The following ZNF618 variants were observed in gnomAD, a reference collection of about 807,000 sequenced individuals.
The protein encoded by ZNF618 is zinc finger protein 618.
A neutral mutation model predicts 103.0 loss-of-function variants in ZNF618; 34 were observed. The observed-to-expected ratio is 0.33, with a 90% CI of 0.25 to 0.44. The LOEUF (loss-of-function observed/expected upper bound fraction) is 0.44, where lower values mean the gene tolerates loss of function less well. Ranked by LOEUF, ZNF618 falls within the 20% of genes least tolerant of loss-of-function variation. The pLI is 1.00. For synonymous variants in ZNF618, 551 were observed against 542.2 expected, an observed-to-expected ratio of 1.02 and a Z score of -0.23; for missense variants, 1,059 against 1,295.4, an observed-to-expected ratio of 0.82 and a Z score of 2.80.
chr9:113,884,747 T>G (rs1328463009), intron 1 of ZNF618, among the ~76,000 whole-genome samples: 1 of 151,084 alleles, frequency 6.6e-6, no homozygotes, highest in Non-Finnish European at 1.5e-5. Context: ...AAGCCAGTTT[T>G]TCCTTCCTTA....
rs71367743 is a variant in ZNF618, at chr9:113,951,607, G to GTA, written c.34-17498_34-17497dup. On this transcript the variant is annotated intron_variant, in intron 1 of 14. Transcript: ENST00000374126. Reference sequence around the variant, plus strand: ...TGTGTGTGTGTGTGTGTATATATATGTATATATATATATGTATATATACTC... The same window carrying GTA: ...TGTGTGTGTGTGTGTGTATATATATGTATATATATATATATGTATATATACTC... Among the ~76,000 whole-genome samples the GTA allele has an allele frequency of 4.5e-3, 605 of 133,034 alleles. 140 individuals carry two copies. Among genetic ancestry groups the GTA allele is most frequent in the Middle Eastern group, 0.034 (8 of 236 alleles). 87.3% of individuals were successfully genotyped at this position (133,034 alleles called of 152,430 possible).
chr9:113,913,085 G>A (rs539917105), intron 1 of ZNF618, among the ~76,000 whole-genome samples: 6 of 152,020 alleles, frequency 3.9e-5, no homozygotes, highest in Admixed American at 6.6e-5. Context: ...CTCTGGAAAC[G>A]GGAGAGTGAG....
chr9:114,040,487 C>G (rs139527628), intron 13 of ZNF618, among the ~76,000 whole-genome samples: 1 of 152,148 alleles, frequency 6.6e-6, no homozygotes, highest in East Asian at 1.9e-4. Flanking sequence ...ATCCTCCCCC[C>G]ACCCCACAAC....
At chr9:113,973,286 C>T (rs753713353) in intron 2 of ZNF618, among the ~76,000 whole-genome samples, 11 of 152,130 alleles carry the variant, frequency 7.2e-5, no homozygotes, top group Non-Finnish European at 8.8e-5. Context: ...TTGAAGGACC[C>T]CCAGCCCTCC....
At chr9:114,027,162 G>T (rs1216890663) in intron 10 of ZNF618, among the ~76,000 whole-genome samples, 1 of 152,216 alleles carries the variant, frequency 6.6e-6, no homozygotes, top group Non-Finnish European at 1.5e-5. Flanking sequence ...GGACTCAGGG[G>T]CCTCTGAGGC....
chr9:114,041,427 G>A (rs551568142), intron 13 of ZNF618, among the ~76,000 whole-genome samples: 6 of 152,192 alleles, frequency 3.9e-5, no homozygotes, highest in Non-Finnish European at 7.3e-5. Flanking sequence ...GAATGGTATT[G>A]CCTAGGTTTC....
intron 1 of ZNF618, among the ~76,000 whole-genome samples, chr9:113,880,304 A>T (rs1467259828): frequency 6.6e-6 from 1 of 152,040 alleles, no homozygotes; most frequent in Non-Finnish European, 1.5e-5. Context: ...CCTAGCCCCC[A>T]CAAGGTCTTG....
intron 6 of ZNF618, among the ~76,000 whole-genome samples, chr9:114,003,183 C>A (rs1346385211): frequency 6.6e-6 from 1 of 152,228 alleles, no homozygotes; most frequent in Non-Finnish European, 1.5e-5. Flanking sequence ...GGTGCCATAT[C>A]CCAGCACCTG....
At chr9:114,002,592 C>A in intron 5 of ZNF618, 32 bp from the exon 6 acceptor site, 2 of 1,596,072 alleles carry the variant, frequency 1.3e-6, no homozygotes, top group East Asian at 2.3e-5. Context: ...CCCGGTAGCC[C>A]CACCCCCATC....
chr9:114,037,858 G>A (rs1844758863), intron 13 of ZNF618, among the ~76,000 whole-genome samples: 1 of 152,142 alleles, frequency 6.6e-6, no homozygotes, highest in Non-Finnish European at 1.5e-5. Context: ...TTAAAATCAG[G>A]ACAGAGCTCT....
intron 13 of ZNF618, among the ~76,000 whole-genome samples, chr9:114,037,713 G>A (rs559064031): frequency 6.6e-6 from 1 of 152,306 alleles, no homozygotes; most frequent in African/African-American, 2.4e-5. Flanking sequence ...TCTCTTTTAG[G>A]CTAAGTACTG....
intron 9 of ZNF618, chr9:114,015,973 AGAAT>A: frequency 1.4e-6 from 1 of 713,058 alleles, no homozygotes; most frequent in African/African-American, 1.8e-5. Flanking sequence ...CAGATGAGAC[AGAAT>A]GAAGAGTGGG....
intron 2 of ZNF618, among the ~76,000 whole-genome samples, chr9:113,969,990 G>T (rs1209331731): frequency 6.6e-6 from 1 of 152,158 alleles, no homozygotes; most frequent in African/African-American, 2.4e-5. Context: ...GAATTTGCCT[G>T]TTAGCCTGTG....
At chr9:114,041,543 A>G (rs375362922) in intron 13 of ZNF618, among the ~76,000 whole-genome samples, 42 of 152,372 alleles carry the variant, frequency 2.8e-4, no homozygotes, top group East Asian at 1.3e-3. Flanking sequence ...AGCTTTCTAC[A>G]TATGGCTAGC....
chr9:113,968,787 A>G (rs1837670910), intron 1 of ZNF618, among the ~76,000 whole-genome samples: 1 of 152,232 alleles, frequency 6.6e-6, no homozygotes, highest in African/African-American at 2.4e-5. Context: ...TCCCAGCTGA[A>G]AATAAAAATG....
At chr9:113,922,904 C>A (rs144104467) in intron 1 of ZNF618, among the ~76,000 whole-genome samples, 5,022 of 152,276 alleles carry the variant, frequency 0.033, 116 homozygotes, top group Non-Finnish European at 0.046. Context: ...GAAATGAAAT[C>A]TTAACAATAC....
chr9:113,974,203 A>C (rs1035555374), intron 2 of ZNF618, among the ~76,000 whole-genome samples: 1 of 152,236 alleles, frequency 6.6e-6, no homozygotes, highest in Non-Finnish European at 1.5e-5. Context: ...AGCCGGAGAC[A>C]GTGTTGCCTC....
intron 1 of ZNF618, among the ~76,000 whole-genome samples, chr9:113,910,513 G>A (rs1038783251): frequency 1.3e-5 from 2 of 152,270 alleles, no homozygotes; most frequent in Admixed American, 1.3e-4. Context: ...GGTGTGTTCA[G>A]GTGTGCGCGG....
chr9:113,934,365 CT>C (rs1233409097), intron 1 of ZNF618, among the ~76,000 whole-genome samples: 1 of 152,140 alleles, frequency 6.6e-6, no homozygotes, highest in African/African-American at 2.4e-5. Context: ...AGCCTCAGGT[CT>C]GCCACCCACT....
Sources: allele counts gnomAD v4.1 joint callset (sites outside exome capture counted in the v4.1 genomes callset), GRCh38; gene constraint gnomAD v4.1.1; transcripts MANE v1.5; gene names NCBI Gene and HGNC (gene_info 2026-07-23, HGNC 2026-07-21).